Variants in MGAT4C observed in about 807,000 individuals in gnomAD.
MGAT4C encodes MGAT4 family member C.
MGAT4C carries 19 observed loss-of-function variants against 40.1 expected under a neutral mutation model. That is an observed-to-expected ratio of 0.47 (90% CI 0.33 to 0.70). The LOEUF (loss-of-function observed/expected upper bound fraction) is 0.70, where lower values mean the gene tolerates loss of function less well. Ranked by LOEUF, MGAT4C falls within the 30% of genes least tolerant of loss-of-function variation. The pLI, the probability that MGAT4C is intolerant of heterozygous loss-of-function variation, is 0.02. For missense variants in MGAT4C, 491 were observed against 563.2 expected (o/e 0.87, Z 1.30); for synonymous variants, 181 against 187.1 (o/e 0.97, Z 0.27).
chr12:86,331,235 G>A (rs370538501), intron 4 of MGAT4C, among the ~76,000 whole-genome samples: 6 of 152,188 alleles, frequency 3.9e-5, no homozygotes, highest in East Asian at 1.9e-4. Flanking sequence ...ATGCTTCCAA[G>A]CGGTTGCATC....
intron 3 of MGAT4C, among the ~76,000 whole-genome samples, chr12:86,379,043 T>C (rs562671522): frequency 6.6e-6 from 1 of 152,238 alleles, no homozygotes; most frequent in African/African-American, 2.4e-5. Flanking sequence ...TCCATAAATA[T>C]ATACAATAAT....
intron 1 of MGAT4C, among the ~76,000 whole-genome samples, chr12:86,230,248 C>T (rs1951259027): frequency 6.6e-6 from 1 of 151,980 alleles, no homozygotes; most frequent in Admixed American, 6.6e-5. Context: ...TAGGAACTAC[C>T]TCTCACTAAC....
At position 86,408,479 on chromosome 12, in the gene MGAT4C, C is replaced by CTCTCTATA. The variant is rs1267344319; in HGVS notation, c.-120+26677_-120+26678insTATAGAGA. 1.2e-3 allele frequency among the ~76,000 whole-genome samples: 79 copies of CTCTCTATA among 63,320 alleles called. 1 individual carries two copies. Among genetic ancestry groups the CTCTCTATA allele is most frequent in the African/African-American group, 2.4e-3 (31 of 12,758 alleles). The allele number at this position is 63,320 out of a possible 152,430, so 41.5% of individuals were successfully genotyped here. A position where few individuals can be genotyped will look rare whatever the true frequency, so the allele number is the denominator to read the frequency against. ...TCTCTCTCTCTCTCTCTCTCTCTCT[C>CTCTCTATA]TATATATATATATATATATATATAT... On this transcript the variant is annotated intron_variant, in intron 3 of 7. Coordinates refer to the MGAT4C transcript ENST00000548651.
intron 2 of MGAT4C, among the ~76,000 whole-genome samples, chr12:86,569,059 A>C (rs2136419439): frequency 6.6e-6 from 1 of 152,188 alleles, no homozygotes; most frequent in Admixed American, 6.6e-5. Context: ...TAAAACAAAT[A>C]GAAAGACACC....
chr12:86,440,208 A>T (rs970784923), intron 2 of MGAT4C, among the ~76,000 whole-genome samples: 4 of 152,154 alleles, frequency 2.6e-5, no homozygotes, highest in African/African-American at 9.6e-5. Context: ...TTCCTGATGA[A>T]CATAGATGCA....
intron 2 of MGAT4C, among the ~76,000 whole-genome samples, chr12:86,704,321 G>C (rs1261150647): frequency 6.6e-6 from 1 of 151,908 alleles, no homozygotes; most frequent in Non-Finnish European, 1.5e-5. Context: ...TGTCCTCTCT[G>C]GCTTCTATTA....
At chr12:86,724,030 G>A (rs1463403847) in intron 2 of MGAT4C, among the ~76,000 whole-genome samples, 2 of 151,958 alleles carry the variant, frequency 1.3e-5, no homozygotes, top group Middle Eastern at 3.2e-3. Flanking sequence ...GTATTTGTTC[G>A]ATACAATACC....
intron 2 of MGAT4C, among the ~76,000 whole-genome samples, chr12:86,489,980 C>A (rs11103968): frequency 1.3e-5 from 2 of 151,578 alleles, no homozygotes; most frequent in African/African-American, 4.9e-5. Context: ...GAGAATGGAA[C>A]CAAGTTGGAA....
chr12:86,428,979 T>G (rs1190823754), intron 3 of MGAT4C, among the ~76,000 whole-genome samples: 1 of 152,136 alleles, frequency 6.6e-6, no homozygotes, highest in African/African-American at 2.4e-5. Context: ...ATTTATTATT[T>G]TTTCCCATGT....
chr12:86,727,236 G>A (rs1950836711), exon 2 of MGAT4C: 1 of 152,082 alleles, frequency 6.6e-6, no homozygotes, highest in Non-Finnish European at 1.5e-5. Flanking sequence ...AACAGCAGCT[G>A]AGAAGCTGTC....
At chr12:86,635,138 C>A (rs1963179802) in intron 2 of MGAT4C, among the ~76,000 whole-genome samples, 1 of 152,054 alleles carries the variant, frequency 6.6e-6, no homozygotes, top group Non-Finnish European at 1.5e-5. Flanking sequence ...ATAGTATTTT[C>A]TCTCTTTCTT....
At chr12:86,797,589 T>G (rs928919440) in intron 1 of MGAT4C, among the ~76,000 whole-genome samples, 1 of 151,956 alleles carries the variant, frequency 6.6e-6, no homozygotes, top group Non-Finnish European at 1.5e-5. Context: ...AGGCAGCTGT[T>G]ACTTCCTGCT....
At chr12:86,150,913 T>TA (rs1884186495) in intron 1 of MGAT4C, among the ~76,000 whole-genome samples, 2 of 152,198 alleles carry the variant, frequency 1.3e-5, no homozygotes, top group Admixed American at 6.5e-5. Flanking sequence ...TAAGTGCTGC[T>TA]AACCAGAGAA....
chr12:86,578,688 C>G (rs1960658295), intron 2 of MGAT4C, among the ~76,000 whole-genome samples: 2 of 151,758 alleles, frequency 1.3e-5, no homozygotes, highest in East Asian at 1.9e-4. Context: ...CTTTGAATTT[C>G]TGCAGTATCA....
At chr12:86,644,259 T>C (rs1004254259) in intron 2 of MGAT4C, among the ~76,000 whole-genome samples, 1 of 151,730 alleles carries the variant, frequency 6.6e-6, no homozygotes, top group Admixed American at 6.6e-5. Flanking sequence ...ACTAAGAATC[T>C]TACTTAAAAT....
chr12:86,748,542 A>T (rs988219325), intron 1 of MGAT4C, among the ~76,000 whole-genome samples: 44 of 151,854 alleles, frequency 2.9e-4, no homozygotes, highest in African/African-American at 1.1e-3. Context: ...CATGTATAAG[A>T]AGAGGAGGGG....
chr12:86,461,657 C>G (rs1957604017), intron 2 of MGAT4C, among the ~76,000 whole-genome samples: 1 of 152,020 alleles, frequency 6.6e-6, no homozygotes, highest in Non-Finnish European at 1.5e-5. Flanking sequence ...TTAATAAAGG[C>G]TCATAAAGTG....
At chr12:86,259,524 T>A (rs61950663), upstream of MGAT4C, among the ~76,000 whole-genome samples, 11,563 of 151,774 alleles carry the variant, frequency 0.076, 626 homozygotes, top group Middle Eastern at 0.2. Context: ...ATATTCTATT[T>A]AATATACACA....
intron 1 of MGAT4C, chr12:86,067,945 C>A (rs2137026270): frequency 6.6e-6 from 1 of 152,190 alleles, no homozygotes; most frequent in East Asian, 1.9e-4. Flanking sequence ...GCATGTAGAT[C>A]CTGGATCCGT....
Sources: gnomAD v4.1 joint callset for allele counts (sites outside exome capture counted in the v4.1 genomes callset) on GRCh38, gnomAD v4.1.1 for gene constraint, MANE v1.5 for transcripts, NCBI Gene and HGNC (gene_info 2026-07-23, HGNC 2026-07-21) for gene names.